The following SUGCT variants were observed in gnomAD, a reference collection of about 807,000 sequenced individuals.
The protein encoded by SUGCT is succinyl-CoA:glutarate CoA-transferase.
Under a neutral mutation model 55.0 loss-of-function variants are expected in SUGCT, and 41 were observed. The ratio of observed to expected loss-of-function variants is 0.74; its 90% confidence interval spans 0.58 to 0.97. The LOEUF is 0.97. Among genes scored for constraint, SUGCT ranks in the 50% least tolerant of loss-of-function variants. The probability of loss-of-function intolerance (pLI) is 0.00; values close to 1 mark genes in which losing one functional copy is unlikely to be tolerated. For missense variants in SUGCT, 568 were observed against 547.8 expected, an observed-to-expected ratio of 1.04 and a Z score of -0.37; for synonymous variants, 187 against 200.4, an observed-to-expected ratio of 0.93 and a Z score of 0.56.
chr7:40,607,244 T>C (rs1798574835), intron 12 of SUGCT, among the ~76,000 whole-genome samples: 1 of 151,890 alleles, frequency 6.6e-6, no homozygotes, highest in East Asian at 1.9e-4. Flanking sequence ...GCTGGAACTA[T>C]AGGAATGCAC....
intron 1 of SUGCT, among the ~76,000 whole-genome samples, chr7:40,175,329 C>T (rs1202018786): frequency 6.6e-6 from 1 of 151,960 alleles, no homozygotes; most frequent in Admixed American, 6.6e-5. Flanking sequence ...AAGCGATTCT[C>T]CTGCCTCAGC....
chr7:40,242,935 T>TATATATATATA (rs1562605220), intron 7 of SUGCT, among the ~76,000 whole-genome samples: 3 of 23,830 alleles, frequency 1.3e-4, no homozygotes, highest in Non-Finnish European at 2.2e-4. Flanking sequence ...ATATATATAT[T>TATATATATATA]TTTTTTTTTT....
At position 40,446,409 on chromosome 7, in the gene SUGCT, A is replaced by G. The variant is rs988233224; in HGVS notation, c.817-2878A>G. Among the ~76,000 whole-genome samples, 18 of 152,284 alleles carry G rather than the reference A, an allele frequency of 1.2e-4. No homozygotes were observed. The East Asian group carries it at 3.5e-3, about 29-fold the overall frequency. On this transcript the variant is annotated intron_variant, in intron 9 of 13. Coordinates refer to ENST00000335693, the MANE Select transcript of SUGCT (RefSeq NM_001193313.2). ...TCACAGTTGTCAATGGTTCCTTGCAATACTTCAGCTCAAAATCTTTTGTAC... is the reference window on the plus strand; with the variant it reads ...TCACAGTTGTCAATGGTTCCTTGCAGTACTTCAGCTCAAAATCTTTTGTAC...
intron 6 of SUGCT, among the ~76,000 whole-genome samples, chr7:40,213,164 T>C (rs937882092): frequency 4.6e-5 from 7 of 152,186 alleles, no homozygotes; most frequent in Non-Finnish European, 7.3e-5. Flanking sequence ...CGCGTTAAAA[T>C]CTTTATTATT....
rs560617774 is a variant in SUGCT at position 40,589,812 on chromosome 7, G to T, written c.1089+93426G>T. Among the ~76,000 whole-genome samples, 4 of 152,246 alleles carry T rather than the reference G, an allele frequency of 2.6e-5. No homozygotes were observed. In the East Asian group the frequency reaches 7.7e-4, roughly 29 times the overall value. Reference sequence around the variant, plus strand: ...AATGGTAAATTTGTTAATGTTACATGCATTTTAGATCCTCTAATGTATTTC... The same window carrying T: ...AATGGTAAATTTGTTAATGTTACATTCATTTTAGATCCTCTAATGTATTTC... On this transcript the variant is annotated intron_variant, in intron 12 of 13. Coordinates refer to ENST00000335693, the MANE Select transcript of SUGCT (RefSeq NM_001193313.2).
At chr7:40,508,511 C>G (rs1792737541) in intron 12 of SUGCT, among the ~76,000 whole-genome samples, 1 of 152,126 alleles carries the variant, frequency 6.6e-6, no homozygotes, top group Non-Finnish European at 1.5e-5. Flanking sequence ...CTGCACCTGC[C>G]TGGAGTAGAC....
chr7:40,696,064 TTCTG>T (rs1173200945), intron 12 of SUGCT, among the ~76,000 whole-genome samples: 1 of 152,210 alleles, frequency 6.6e-6, no homozygotes, highest in African/African-American at 2.4e-5. Context: ...CTTTTCCCGT[TTCTG>T]TCTAATAGCA....
At chr7:40,392,840 A>G (rs549790844) in intron 9 of SUGCT, among the ~76,000 whole-genome samples, 1 of 152,298 alleles carries the variant, frequency 6.6e-6, no homozygotes, top group South Asian at 2.1e-4. Flanking sequence ...ATAAATTTAC[A>G]GGAGCTAGTG....
Position 40,727,323 on chromosome 7 carries a change from T to A in SUGCT, c.1090-22111T>A, listed in dbSNP as rs79183465. On this transcript the variant is annotated intron_variant, in intron 12 of 13. Transcript: ENST00000335693. ...TTCTAAGTCGCAGTTGTTGATTCCC[T>A]AGTCTCAGTTGATATAAAGCTGTAG... Among the ~76,000 whole-genome samples the A allele has an allele frequency of 9.0e-3, 1,366 of 152,344 alleles. 16 individuals are homozygous for A. Among genetic ancestry groups the A allele is most frequent in the African/African-American group, 0.031 (1,285 of 41,582 alleles).
At chr7:40,764,417 G>A (rs1788677641) in intron 13 of SUGCT, among the ~76,000 whole-genome samples, 1 of 152,010 alleles carries the variant, frequency 6.6e-6, no homozygotes, top group Non-Finnish European at 1.5e-5. Flanking sequence ...ACATTCATGG[G>A]ACACATTTCA....
intron 8 of SUGCT, among the ~76,000 whole-genome samples, chr7:40,302,516 T>TA (rs1232621575): frequency 1.3e-5 from 2 of 152,194 alleles, no homozygotes; most frequent in East Asian, 3.8e-4. Context: ...GCTCAGGTCT[T>TA]AAAAGGCTGC....
intron 12 of SUGCT, among the ~76,000 whole-genome samples, chr7:40,638,367 G>A (rs1230865712): frequency 6.6e-6 from 1 of 152,220 alleles, no homozygotes; most frequent in African/African-American, 2.4e-5. Flanking sequence ...ATGAAAGAGA[G>A]TAGGTGAAGC....
At chr7:40,926,668 G>T in the SUGCT span, among the ~76,000 whole-genome samples, 1 of 152,096 alleles carries the variant, frequency 6.6e-6, no homozygotes, top group Admixed American at 6.6e-5. Flanking sequence ...TTCCAGTTTT[G>T]TCTCTACCAT....
intron 8 of SUGCT, among the ~76,000 whole-genome samples, chr7:40,289,892 A>G (rs1250029648): frequency 6.6e-6 from 1 of 152,050 alleles, no homozygotes; most frequent in African/African-American, 2.4e-5. Flanking sequence ...TCATGAGTGA[A>G]CTCCCATTCA....
At chr7:40,706,305 G>A (rs1018777231) in intron 12 of SUGCT, among the ~76,000 whole-genome samples, 1 of 152,232 alleles carries the variant, frequency 6.6e-6, no homozygotes, top group Non-Finnish European at 1.5e-5. Context: ...CCAGGAGTTC[G>A]AGACCAGCCT....
chr7:40,962,254 T>C, the SUGCT span, among the ~76,000 whole-genome samples: 2 of 152,132 alleles, frequency 1.3e-5, no homozygotes, highest in Non-Finnish European at 2.9e-5. Flanking sequence ...AGAGCACTGG[T>C]TGGTGCATTT....
the SUGCT span, among the ~76,000 whole-genome samples, chr7:40,976,342 G>T: frequency 2.0e-5 from 3 of 152,112 alleles, no homozygotes; most frequent in African/African-American, 7.2e-5. Context: ...ATGACTTTGG[G>T]CAAACTATTC....
At chr7:40,503,704 G>T (rs1031902985) in intron 12 of SUGCT, among the ~76,000 whole-genome samples, 6 of 152,074 alleles carry the variant, frequency 3.9e-5, no homozygotes, top group Non-Finnish European at 8.8e-5. Flanking sequence ...TTAATTAAAA[G>T]AAAGTATTCA....
chr7:40,305,965 A>G (rs1475715869), intron 8 of SUGCT, among the ~76,000 whole-genome samples: 1 of 129,018 alleles, frequency 7.8e-6, no homozygotes, highest in Non-Finnish European at 1.7e-5. Flanking sequence ...GTGCCTGGCC[A>G]GTTATTTTAT....
Sources: allele counts gnomAD v4.1 joint callset (sites outside exome capture counted in the v4.1 genomes callset), GRCh38; gene constraint gnomAD v4.1.1; transcripts MANE v1.5; gene names NCBI Gene and HGNC (gene_info 2026-07-23, HGNC 2026-07-21).